MED12L: variants seen among roughly 807,000 people sequenced by gnomAD.
The protein encoded by MED12L is mediator complex subunit 12L.
In MED12L, 60 loss-of-function variants were observed where a neutral mutation model predicts 281.3. The ratio of observed to expected loss-of-function variants is 0.21; its 90% CI spans 0.17 to 0.26. MED12L has a LOEUF of 0.26. MED12L is among the 10% of genes least tolerant of loss of function. MED12L has a pLI of 1.00. For missense variants in MED12L, 2,146 were observed against 2,680.9 expected (o/e 0.80, Z 4.41); for synonymous variants, 974 against 987.2 (o/e 0.99, Z 0.25).
intron 16 of MED12L, among the ~76,000 whole-genome samples, chr3:151,316,212 AAAAC>A (rs1274101305): frequency 6.6e-6 from 1 of 152,218 alleles, no homozygotes; most frequent in Non-Finnish European, 1.5e-5. Context: ...TCTTTAAAAA[AAAAC>A]AATACGGATA....
At chr3:151,126,534 A>G (rs1241765550) in intron 4 of MED12L, among the ~76,000 whole-genome samples, 2 of 152,222 alleles carry the variant, frequency 1.3e-5, no homozygotes, top group African/African-American at 4.8e-5. Context: ...CAAATTTGTG[A>G]CATGTCAGTG....
At chr3:151,200,588 A>T (rs561268665) in intron 16 of MED12L, among the ~76,000 whole-genome samples, 2 of 152,360 alleles carry the variant, frequency 1.3e-5, no homozygotes, top group South Asian at 4.1e-4. Context: ...TTAATTAATG[A>T]TCCTTTGTGT....
chr3:151,294,909 G>T (rs1385083680), intron 16 of MED12L: 27 of 1,613,886 alleles, frequency 1.7e-5, no homozygotes, highest in African/African-American at 6.7e-5. Flanking sequence ...TATCTGCAGA[G>T]AATAAACTTG....
At position 151,411,423 on chromosome 3, in the gene MED12L, G is replaced by A; in HGVS notation, c.6056G>A (p.Arg2019Lys). 6.2e-7 allele frequency: 1 copy of A among 1,614,162 alleles called. No individual in the cohort carries two copies. Among genetic ancestry groups the A allele is most frequent in the Non-Finnish European group, 8.5e-7 (1 of 1,180,032 alleles). ...CATTCCAACCCCGTGCTAATGGAAA[G>A]ACTCAGACAGATTCAGCAGCAGCCG... ...AAHSNPVLME[R>K]LRQIQQQPSG... Residue 2019 changes from arginine (R) to lysine (K), a missense_variant, in exon 41 of 45, where the codon AGA becomes AAA. Arg to Lys is a conservative substitution (Grantham distance 26, BLOSUM62 2). This residue lies in a region of MED12L where 496 missense variants were observed against 512.0 expected (regional missense o/e 0.97). Transcript: ENST00000687756.
At position 151,193,621 on chromosome 3, in the gene MED12L, C is replaced by T; in HGVS notation, c.2205C>T (p.Asp735=). Residue 735 remains aspartate (D), a synonymous_variant, in exon 16 of 45, where the codon GAC becomes GAT. Coordinates refer to ENST00000687756, the MANE Select transcript of MED12L (RefSeq NM_001393769.1). The part of the protein sequence containing the change: ...PRELIFPSNY[D]LLRHLQYATH... ...AATTAATTTTTCCATCTAATTATGA[C>T]CTCCTTCGCCACTTACAGTATGCAA... The T allele has an allele frequency of 6.2e-7, 1 of 1,614,096 alleles. No homozygotes were observed. Among genetic ancestry groups the T allele is most frequent in the Non-Finnish European group, 8.5e-7 (1 of 1,179,954 alleles).
chr3:151,122,387 G>A (rs1261081594), intron 3 of MED12L, among the ~76,000 whole-genome samples: 2 of 151,994 alleles, frequency 1.3e-5, no homozygotes, highest in East Asian at 1.9e-4. Flanking sequence ...AATGATTACC[G>A]AGTGATTACT....
chr3:151,246,827 A>G (rs1447456207), intron 16 of MED12L, among the ~76,000 whole-genome samples: 1 of 152,254 alleles, frequency 6.6e-6, no homozygotes, highest in Non-Finnish European at 1.5e-5. Context: ...ATCAGAGTGA[A>G]CAGGCAGCCT....
chr3:151,429,063 A>G (rs184444089), intron 43 of MED12L, among the ~76,000 whole-genome samples: 4 of 152,332 alleles, frequency 2.6e-5, no homozygotes, highest in Admixed American at 2.6e-4. Flanking sequence ...ATGGAAAACC[A>G]GCTGGAGGTG....
chr3:151,117,523 C>T (rs767213522), intron 3 of MED12L, among the ~76,000 whole-genome samples: 11 of 151,998 alleles, frequency 7.2e-5, no homozygotes, highest in Non-Finnish European at 1.3e-4. Flanking sequence ...TTTCGTATTC[C>T]GTTTTTAGGT....
chr3:151,247,486 A>G (rs1735827193), intron 16 of MED12L, among the ~76,000 whole-genome samples: 1 of 151,600 alleles, frequency 6.6e-6, no homozygotes, highest in African/African-American at 2.4e-5. Context: ...ATTGGAAATC[A>G]TCATTCTCAG....
intron 16 of MED12L, among the ~76,000 whole-genome samples, chr3:151,229,046 A>G (rs1363745536): frequency 1.3e-5 from 2 of 152,212 alleles, no homozygotes; most frequent in Non-Finnish European, 2.9e-5. Flanking sequence ...TGTGTGAGAA[A>G]ACAACAGCTT....
chr3:151,375,596 C>T (rs73008523), intron 27 of MED12L, among the ~76,000 whole-genome samples: 7,600 of 151,962 alleles, frequency 0.05, 644 homozygotes, highest in African/African-American at 0.17. Flanking sequence ...AAAGGAAGAT[C>T]GTTTTCTAAA....
chr3:151,430,426 A>C (rs1384222079), intron 44 of MED12L, 46 bp downstream of exon 44: 4 of 1,607,980 alleles, frequency 2.5e-6, no homozygotes, highest in African/African-American at 1.3e-5. Flanking sequence ...CCGGAAAATT[A>C]AAAATAAGCC....
intron 5 of MED12L, among the ~76,000 whole-genome samples, chr3:151,142,240 A>G (rs1717134362): frequency 1.3e-5 from 2 of 152,196 alleles, no homozygotes. Flanking sequence ...TGTTTGATTT[A>G]CAGAATTTGC....
At chr3:151,260,021 G>C (rs150619088) in intron 16 of MED12L, among the ~76,000 whole-genome samples, 30 of 152,170 alleles carry the variant, frequency 2.0e-4, no homozygotes, top group African/African-American at 6.5e-4. Flanking sequence ...TGGGGAGCTC[G>C]GGTTATTTTG....
intron 16 of MED12L, chr3:151,199,130 T>A (rs1725136799): frequency 6.2e-7 from 1 of 1,614,088 alleles, no homozygotes; most frequent in Non-Finnish European, 8.5e-7. Context: ...TACTTGGCAG[T>A]GGAATATCTT....
intron 16 of MED12L, among the ~76,000 whole-genome samples, chr3:151,306,149 CTA>C (rs1451552936): frequency 6.6e-6 from 1 of 152,194 alleles, no homozygotes; most frequent in Non-Finnish European, 1.5e-5. Flanking sequence ...CCCAATTGTT[CTA>C]CTTTGATTAT....
chr3:151,327,624 T>C (rs1749788391), intron 16 of MED12L: 1 of 160,684 alleles, frequency 6.2e-6, no homozygotes, highest in Non-Finnish European at 1.3e-5. Context: ...GCAGTAGTGT[T>C]ATGTGAATTG....
intron 39 of MED12L, among the ~76,000 whole-genome samples, chr3:151,399,552 T>C (rs1715398121): frequency 6.6e-6 from 1 of 152,254 alleles, no homozygotes; most frequent in Non-Finnish European, 1.5e-5. Context: ...TTTTGTTCTT[T>C]AAATACTGTG....
Sources: allele counts gnomAD v4.1 joint callset (sites outside exome capture counted in the v4.1 genomes callset), GRCh38; gene constraint gnomAD v4.1.1; regional missense constraint gnomAD v4.1.1; transcripts MANE v1.5; gene names NCBI Gene and HGNC (gene_info 2026-07-23, HGNC 2026-07-21).